The following LHFPL3 variants were observed in gnomAD, a reference collection of about 807,000 sequenced individuals.
The protein encoded by LHFPL3 is LHFPL tetraspan subfamily member 3 protein.
A neutral mutation model predicts 19.3 loss-of-function variants in LHFPL3; 5 were observed. That is an observed-to-expected ratio of 0.26 (90% CI 0.14 to 0.54). LHFPL3 has a LOEUF of 0.54. Ranked by LOEUF, LHFPL3 falls within the 20% of genes least tolerant of loss-of-function variation. The pLI is 0.94. For synonymous variants in LHFPL3, 133 were observed against 126.2 expected (o/e 1.05, Z -0.36); for missense variants, 249 against 307.4 (o/e 0.81, Z 1.42).
At chr7:104,833,002 A>ATATATAATAGATATAT (rs1790988266) in intron 2 of LHFPL3, among the ~76,000 whole-genome samples, 1 of 44,138 alleles carries the variant, frequency 2.3e-5, no homozygotes, top group Non-Finnish European at 4.2e-5. Flanking sequence ...CATATATATT[A>ATATATAATAGATATAT]TATATATATA....
chr7:104,391,595 G>A (rs1268562855), intron 1 of LHFPL3, among the ~76,000 whole-genome samples: 3 of 152,170 alleles, frequency 2.0e-5, no homozygotes, highest in African/African-American at 7.2e-5. Context: ...TAGCCTTGTA[G>A]TATAGTTTGA....
chr7:104,786,567 C>T (rs1789919064), intron 2 of LHFPL3: 1 of 151,974 alleles, frequency 6.6e-6, no homozygotes, highest in Admixed American at 6.6e-5. Flanking sequence ...TCTCTAGTGC[C>T]ACCGGTATAA....
chr7:104,803,526 T>C (rs1790296770), intron 2 of LHFPL3: 2 of 152,246 alleles, frequency 1.3e-5, no homozygotes. Context: ...CTTTCTACCA[T>C]GCTCACTCCT....
chr7:104,770,346 A>G (rs1794530450), intron 2 of LHFPL3, among the ~76,000 whole-genome samples: 1 of 152,182 alleles, frequency 6.6e-6, no homozygotes, highest in Non-Finnish European at 1.5e-5. Context: ...GGAGCCAAAG[A>G]AGTGGAATCA....
intron 1 of LHFPL3, among the ~76,000 whole-genome samples, chr7:104,337,013 A>ACAGGC (rs1789823077): frequency 6.6e-6 from 1 of 152,118 alleles, no homozygotes; most frequent in Non-Finnish European, 1.5e-5. Flanking sequence ...AGAATGCATC[A>ACAGGC]CAGGCCCTTT....
chr7:104,564,017 G>A (rs1584405031), intron 1 of LHFPL3, among the ~76,000 whole-genome samples: 1 of 152,142 alleles, frequency 6.6e-6, no homozygotes, highest in African/African-American at 2.4e-5. Context: ...CTCATTATGT[G>A]CCAGGCATTA....
At chr7:104,429,837 C>A (rs1408906466) in intron 1 of LHFPL3, among the ~76,000 whole-genome samples, 1 of 151,830 alleles carries the variant, frequency 6.6e-6, no homozygotes, top group Non-Finnish European at 1.5e-5. Context: ...TGCAGGTAGA[C>A]TTTGAAGTCC....
At chr7:104,441,738 G>A (rs1204443217) in intron 1 of LHFPL3, among the ~76,000 whole-genome samples, 1 of 152,068 alleles carries the variant, frequency 6.6e-6, no homozygotes, top group Non-Finnish European at 1.5e-5. Flanking sequence ...ACCATGCTCG[G>A]CTAATTTTTG....
rs569516724 is a variant in LHFPL3 at position 104,778,909 on chromosome 7, C to T, written c.682+41998C>T. On this transcript the variant is annotated intron_variant, in intron 2 of 2. Transcript: ENST00000424859. Reference sequence around the variant, plus strand: ...AGTTAAACAGAATTATTTTATGTGGCGTACTTGCCATAATGCCTGGCTAAA... The same window carrying T: ...AGTTAAACAGAATTATTTTATGTGGTGTACTTGCCATAATGCCTGGCTAAA... Among the ~76,000 whole-genome samples, 85 of 152,316 alleles carry T rather than the reference C, an allele frequency of 5.6e-4. No homozygotes were observed. The South Asian group carries it at 0.016, about 28-fold the overall frequency.
chr7:104,469,497 T>C (rs6465989), intron 1 of LHFPL3, among the ~76,000 whole-genome samples: 57,811 of 152,050 alleles, frequency 0.38, 11,218 homozygotes, highest in Middle Eastern at 0.49. Context: ...GACTAAACTG[T>C]TCTTAATATT....
intron 1 of LHFPL3, among the ~76,000 whole-genome samples, chr7:104,545,273 C>G (rs997815009): frequency 3.9e-5 from 6 of 152,172 alleles, no homozygotes; most frequent in Admixed American, 3.3e-4. Context: ...ATAGACCTCA[C>G]CATATGGCAT....
intron 1 of LHFPL3, among the ~76,000 whole-genome samples, chr7:104,476,187 A>G (rs910826961): frequency 2.0e-5 from 3 of 152,216 alleles, no homozygotes; most frequent in African/African-American, 7.2e-5. Context: ...CAGGAAAATA[A>G]AACAAACACA....
At chr7:104,536,964 C>T (rs1013965710) in intron 1 of LHFPL3, among the ~76,000 whole-genome samples, 4 of 152,204 alleles carry the variant, frequency 2.6e-5, no homozygotes, top group African/African-American at 9.6e-5. Flanking sequence ...ATGTCATGGA[C>T]TATTTAATCT....
intron 2 of LHFPL3, among the ~76,000 whole-genome samples, chr7:104,823,359 A>T (rs1669298675): frequency 6.6e-6 from 1 of 152,140 alleles, no homozygotes; most frequent in South Asian, 2.1e-4. Context: ...CAGTTTTTTC[A>T]TCTCTAAAAT....
At chr7:104,372,133 T>C (rs1790628723) in intron 1 of LHFPL3, among the ~76,000 whole-genome samples, 1 of 152,182 alleles carries the variant, frequency 6.6e-6, no homozygotes, top group Non-Finnish European at 1.5e-5. Flanking sequence ...CCAGAGTAGT[T>C]GGGAGCTAAA....
intron 1 of LHFPL3, among the ~76,000 whole-genome samples, chr7:104,689,267 C>T (rs1299552308): frequency 6.6e-6 from 1 of 152,056 alleles, no homozygotes; most frequent in African/African-American, 2.4e-5. Flanking sequence ...ACTCAACTGT[C>T]AAAGGCAAGG....
At chr7:104,562,515 C>G (rs939364783) in intron 1 of LHFPL3, among the ~76,000 whole-genome samples, 22 of 152,126 alleles carry the variant, frequency 1.4e-4, no homozygotes, top group Non-Finnish European at 2.8e-4. Context: ...AGTTCTGGAG[C>G]CTTGGTTTTC....
intron 1 of LHFPL3, among the ~76,000 whole-genome samples, chr7:104,488,958 ATGGGCATG>A (rs528608553): frequency 1.1e-3 from 172 of 152,312 alleles, no homozygotes; most frequent in South Asian, 0.011. Context: ...GGCTGGCTTC[ATGGGCATG>A]TGACCCGTGT....
intron 1 of LHFPL3, among the ~76,000 whole-genome samples, chr7:104,561,638 T>C (rs1187515098): frequency 6.6e-6 from 1 of 152,234 alleles, no homozygotes; most frequent in African/African-American, 2.4e-5. Context: ...TGTTATCCAA[T>C]TTGCCAGTCT....
Sources: gnomAD v4.1 joint callset for allele counts (sites outside exome capture counted in the v4.1 genomes callset) on GRCh38, gnomAD v4.1.1 for gene constraint, MANE v1.5 for transcripts, NCBI Gene and HGNC (gene_info 2026-07-23, HGNC 2026-07-21) for gene names.